The following NETO1 variants were observed in gnomAD, a reference collection of about 807,000 sequenced individuals.
NETO1 encodes the protein neuropilin and tolloid-like protein 1.
NETO1 carries 26 observed loss-of-function variants against 61.3 expected under a neutral mutation model. The observed-to-expected ratio is 0.42, with a 90% CI of 0.31 to 0.59. The LOEUF (loss-of-function observed/expected upper bound fraction) is 0.59. NETO1 is among the 20% of genes least tolerant of loss of function. The pLI is 0.12. For synonymous variants in NETO1, 225 were observed against 225.8 expected (o/e 1.00, Z 0.03); for missense variants, 531 against 662.8 (o/e 0.80, Z 2.18).
chr18:72,825,187 T>G (rs935822932), intron 4 of NETO1, among the ~76,000 whole-genome samples: 5 of 152,172 alleles, frequency 3.3e-5, no homozygotes, highest in African/African-American at 1.2e-4. Context: ...CTGCGAAAAC[T>G]CAAAGACTGG....
chr18:72,822,442 C>T (rs994563738), intron 4 of NETO1, among the ~76,000 whole-genome samples: 3 of 152,152 alleles, frequency 2.0e-5, no homozygotes, highest in African/African-American at 7.2e-5. Flanking sequence ...GCCACCGTCC[C>T]GTCCCCCCGC....
chr18:72,867,378 G>T lies in NETO1; in HGVS notation c.-87C>A. Reference sequence around the variant, plus strand: ...CCAGTGGCGGGGGGAGGACAGGGTCGAGAGGTGTTAAAGACGCAAAGCAAG... The same window carrying T: ...CCAGTGGCGGGGGGAGGACAGGGTCTAGAGGTGTTAAAGACGCAAAGCAAG... On this transcript the variant is annotated 5_prime_UTR_variant, in exon 1 of 11. Coordinates refer to ENST00000327305, the MANE Select transcript of NETO1 (RefSeq NM_138966.5). 2 of 1,117,910 alleles carry T rather than the reference G, an allele frequency of 1.8e-6. No homozygotes were observed. The highest frequency in any genetic ancestry group is 1.7e-5 in the South Asian group (1 of 57,528). 69.2% of individuals were successfully genotyped at this position (1,117,910 alleles called of 1,614,324 possible). A position where few individuals can be genotyped will look rare whatever the true frequency, so the allele number is the denominator to read the frequency against.
At chr18:72,755,650 A>G (rs2070758626) in intron 8 of NETO1, among the ~76,000 whole-genome samples, 1 of 152,146 alleles carries the variant, frequency 6.6e-6, no homozygotes, top group Admixed American at 6.6e-5. Flanking sequence ...TTTTATCTCT[A>G]GAGTATGTAC....
intron 4 of NETO1, among the ~76,000 whole-genome samples, chr18:72,857,776 T>A (rs1428003935): frequency 6.6e-6 from 1 of 152,250 alleles, no homozygotes; most frequent in East Asian, 1.9e-4. Context: ...AAAACCACAA[T>A]CCTTTAGTGA....
intron 8 of NETO1, among the ~76,000 whole-genome samples, chr18:72,751,077 A>ACACACACACACACACAC (rs60112090): frequency 4.0e-5 from 6 of 150,580 alleles, no homozygotes; most frequent in South Asian, 2.1e-4. Context: ...ACACACACAC[A>ACACACACACACACACAC]ATCTATCTAT....
chr18:72,844,700 T>C (rs751412343), intron 4 of NETO1, among the ~76,000 whole-genome samples: 1 of 152,252 alleles, frequency 6.6e-6, no homozygotes, highest in African/African-American at 2.4e-5. Context: ...GTAAATTTCA[T>C]TAAGCATCAG....
chr18:72,824,234 T>C (rs984105521), intron 4 of NETO1, among the ~76,000 whole-genome samples: 1 of 152,214 alleles, frequency 6.6e-6, no homozygotes, highest in Non-Finnish European at 1.5e-5. Context: ...AGTGGGTACT[T>C]ATCGAATAAT....
intron 4 of NETO1, among the ~76,000 whole-genome samples, chr18:72,844,913 G>T (rs1599138839): frequency 6.7e-6 from 1 of 149,370 alleles, no homozygotes; most frequent in Non-Finnish European, 1.5e-5. Flanking sequence ...ACACAGTGAG[G>T]GCTCTGTGGG....
Position 72,864,812 on chromosome 18 carries a change from T to G in NETO1, c.216A>C (p.Ile72=), listed in dbSNP as rs781649086. The change falls in exon 3 of 11, where the codon ATA becomes ATC. Residue 72 remains isoleucine, a synonymous_variant. Coordinates refer to ENST00000327305, the MANE Select transcript of NETO1 (RefSeq NM_138966.5). ...TCTGGCACTGTCTCCCCTTACCTTC[T>G]ATGATGTAGATGCATTCCCGGTCAG... The part of the protein sequence containing the change: ...YPPDRECIYI[I]EAAPRQCIEL... 13 of 1,613,726 alleles carry G rather than the reference T, an allele frequency of 8.1e-6. No individual in the cohort carries two copies. The highest frequency in any genetic ancestry group is 1.0e-5 in the Non-Finnish European group (12 of 1,179,942).
At chr18:72,788,741 T>C (rs1232481960) in intron 6 of NETO1, among the ~76,000 whole-genome samples, 1 of 152,110 alleles carries the variant, frequency 6.6e-6, no homozygotes, top group Non-Finnish European at 1.5e-5. Flanking sequence ...TTTCTAGTAA[T>C]ATCTATTTTT....
At chr18:72,833,708 G>A (rs934050378) in intron 4 of NETO1, among the ~76,000 whole-genome samples, 16 of 152,042 alleles carry the variant, frequency 1.1e-4, no homozygotes, top group Admixed American at 9.8e-4. Flanking sequence ...TATGACTCAG[G>A]GATGGCATGG....
At chr18:72,812,695 G>A (rs17794398) in intron 4 of NETO1, among the ~76,000 whole-genome samples, 22,815 of 151,814 alleles carry the variant, frequency 0.15, 1,913 homozygotes, top group Middle Eastern at 0.23. Context: ...TTTTCAATCC[G>A]GTCTCTCTAG....
At chr18:72,851,755 C>T (rs8098760) in intron 4 of NETO1, among the ~76,000 whole-genome samples, 4,025 of 152,126 alleles carry the variant, frequency 0.026, 133 homozygotes, top group East Asian at 0.096. Context: ...TGGTGAAACG[C>T]GGGTGATATA....
chr18:72,796,784 C>A (rs1383323886), intron 4 of NETO1, among the ~76,000 whole-genome samples: 1 of 151,592 alleles, frequency 6.6e-6, no homozygotes, highest in Non-Finnish European at 1.5e-5. Flanking sequence ...TTTAAAAAAT[C>A]TTTTTAGAAA....
chr18:72,846,504 CAAAAAAAAAAAAAAA>C (rs35252443), intron 4 of NETO1, among the ~76,000 whole-genome samples: 1 of 13,004 alleles, frequency 7.7e-5, no homozygotes, highest in Non-Finnish European at 1.3e-4. Flanking sequence ...GACTTCATCT[CAAAAAAAAAAAAAAA>C]AAAAAAAAAA....
chr18:72,778,636 C>T (rs1437120515), intron 7 of NETO1, among the ~76,000 whole-genome samples: 1 of 152,166 alleles, frequency 6.6e-6, no homozygotes, highest in Non-Finnish European at 1.5e-5. Context: ...TGTCTAAAAA[C>T]ATATTCCTCA....
intron 7 of NETO1, among the ~76,000 whole-genome samples, chr18:72,759,637 G>A (rs770545113): frequency 1.3e-5 from 2 of 152,130 alleles, no homozygotes; most frequent in Admixed American, 6.5e-5. Context: ...TCAAGGCCAC[G>A]GTCTCCAACG....
At chr18:72,832,403 C>T (rs2073611003) in intron 4 of NETO1, among the ~76,000 whole-genome samples, 1 of 152,000 alleles carries the variant, frequency 6.6e-6, no homozygotes, top group Non-Finnish European at 1.5e-5. Context: ...AAGTTTTTTT[C>T]TTTTTCCCCC....
At chr18:72,864,662 C>T (rs2074679796) in intron 3 of NETO1, 146 bp downstream of exon 3, 6 of 1,045,498 alleles carry the variant, frequency 5.7e-6, no homozygotes, top group Non-Finnish European at 8.5e-6. Flanking sequence ...CCAGATTTTA[C>T]AGTTATTGAT....
Sources: allele counts gnomAD v4.1 joint callset (sites outside exome capture counted in the v4.1 genomes callset), GRCh38; gene constraint gnomAD v4.1.1; transcripts MANE v1.5; gene names NCBI Gene and HGNC (gene_info 2026-07-23, HGNC 2026-07-21).